Variants in COL15A1 observed in about 807,000 individuals in gnomAD.
COL15A1 encodes collagen alpha-1(XV) chain.
Under a neutral mutation model 165.9 loss-of-function variants are expected in COL15A1, and 111 were observed. The observed-to-expected ratio is 0.67, with a 90% confidence interval of 0.57 to 0.78. The LOEUF is 0.78. Ranked by LOEUF, COL15A1 falls within the 30% of genes least tolerant of loss-of-function variation. The pLI is 0.00. For missense variants in COL15A1, 1,745 were observed against 1,789.7 expected (o/e 0.98, Z 0.45); for synonymous variants, 659 against 674.8 (o/e 0.98, Z 0.36).
chr9:98,964,332 T>A (rs903522155), intron 2 of COL15A1, among the ~76,000 whole-genome samples: 1 of 152,194 alleles, frequency 6.6e-6, no homozygotes, highest in African/African-American at 2.4e-5. Context: ...TTGGAGACTG[T>A]CAAGCTGTAC....
At chr9:99,059,676 G>A (rs568146895) in intron 35 of COL15A1, among the ~76,000 whole-genome samples, 2 of 152,174 alleles carry the variant, frequency 1.3e-5, no homozygotes, top group Admixed American at 6.5e-5. Context: ...TTCATCCAGG[G>A]TAACAATCAA....
intron 35 of COL15A1, among the ~76,000 whole-genome samples, chr9:99,059,057 G>A (rs1194305912): frequency 6.6e-6 from 1 of 152,198 alleles, no homozygotes; most frequent in Non-Finnish European, 1.5e-5. Flanking sequence ...TTTGCCTAAA[G>A]TAAGGGCTTT....
chr9:99,047,243 G>T (rs1201649370), intron 26 of COL15A1, among the ~76,000 whole-genome samples: 1 of 152,224 alleles, frequency 6.6e-6, no homozygotes, highest in Non-Finnish European at 1.5e-5. Flanking sequence ...TAGGGTCCAT[G>T]GTCTGGAACT....
Position 98,946,055 on chromosome 9 carries a change from T to C in COL15A1, c.100+1805T>C, listed in dbSNP as rs1222111192. Among the ~76,000 whole-genome samples the C allele has an allele frequency of 2.0e-5, 3 of 152,248 alleles. No homozygotes were observed. The East Asian group carries it at 5.8e-4, about 29-fold the overall frequency. On this transcript the variant is annotated intron_variant, in intron 2 of 41. Coordinates refer to ENST00000375001, the MANE Select transcript of COL15A1 (RefSeq NM_001855.5). ...TGGGTTTTCAGTGCCCCTTTGGGGA[T>C]GTGAAACGATTCCTAAAAATGTAAA...
rs1489699969 is a variant in COL15A1 at position 99,048,003 on chromosome 9, G to A, written c.2793+3G>A. ...GAGATCCAGGGGTCATTATGCAGGT[G>A]AGTCACCCTGGGGATGGAGCCGGAG... On this transcript the variant is annotated splice_donor_region_variant and intron_variant, in intron 28 of 41. Coordinates refer to ENST00000375001, the MANE Select transcript of COL15A1 (RefSeq NM_001855.5). The A allele has an allele frequency of 1.3e-6, 2 of 1,531,172 alleles. No individual in the cohort carries two copies. The highest frequency in any genetic ancestry group is 1.4e-5 in the African/African-American group (1 of 73,006). 94.8% of individuals were successfully genotyped at this position (1,531,172 alleles called of 1,614,324 possible).
intron 11 of COL15A1, among the ~76,000 whole-genome samples, chr9:99,017,005 C>T (rs1838946797): frequency 6.6e-6 from 1 of 152,230 alleles, no homozygotes; most frequent in Non-Finnish European, 1.5e-5. Context: ...CACGCTGCTT[C>T]CTGTCTCTTT....
chr9:98,964,764 A>G (rs1221457111), intron 2 of COL15A1, among the ~76,000 whole-genome samples: 3 of 152,094 alleles, frequency 2.0e-5, no homozygotes, highest in Non-Finnish European at 2.9e-5. Flanking sequence ...AAGCTGCTCG[A>G]GCTGGTCACA....
chr9:99,062,412 C>T (rs967486488), intron 38 of COL15A1, 108 bp downstream of exon 38: 5 of 845,498 alleles, frequency 5.9e-6, no homozygotes, highest in Admixed American at 1.8e-5. Context: ...GTCAGCTGTG[C>T]ACGGTTTAGT....
intron 9 of COL15A1, among the ~76,000 whole-genome samples, chr9:99,014,512 G>T (rs1163887969): frequency 1.3e-5 from 2 of 152,180 alleles, no homozygotes; most frequent in African/African-American, 4.8e-5. Flanking sequence ...TTGTCCTATT[G>T]GTTTGAACCA....
intron 24 of COL15A1, among the ~76,000 whole-genome samples, chr9:99,043,008 G>A (rs1038629489): frequency 6.6e-6 from 1 of 152,200 alleles, no homozygotes; most frequent in Non-Finnish European, 1.5e-5. Flanking sequence ...GATATGCAAA[G>A]AGCTAACAGA....
rs576240626 is a variant in COL15A1, at chr9:99,023,694, C to G, written c.1854+245C>G. Among the ~76,000 whole-genome samples, 3 of 152,314 alleles carry G rather than the reference C, an allele frequency of 2.0e-5. No homozygotes were observed. In the East Asian group the frequency reaches 5.8e-4, roughly 29 times the overall value. On this transcript the variant is annotated intron_variant, in intron 14 of 41. Coordinates refer to ENST00000375001, the MANE Select transcript of COL15A1 (RefSeq NM_001855.5). ...ATTTATCTTCAGGACCTCCTCACCCCACCTTCTTCCTTTCCCTGGTGGGCT... is the reference window on the plus strand; with the variant it reads ...ATTTATCTTCAGGACCTCCTCACCCGACCTTCTTCCTTTCCCTGGTGGGCT...
At chr9:99,017,237 A>G (rs1838952335) in intron 11 of COL15A1, among the ~76,000 whole-genome samples, 1 of 152,220 alleles carries the variant, frequency 6.6e-6, no homozygotes, top group African/African-American at 2.4e-5. Flanking sequence ...CCTCTTCAGT[A>G]TAAGGTGAAT....
intron 16 of COL15A1, among the ~76,000 whole-genome samples, chr9:99,029,941 A>G (rs964992675): frequency 6.6e-6 from 1 of 150,524 alleles, no homozygotes; most frequent in African/African-American, 2.5e-5. Context: ...AAAAAAAAAA[A>G]TCATATAGAC....
chr9:99,065,628 G>A (rs567681396), intron 39 of COL15A1, among the ~76,000 whole-genome samples: 1 of 149,526 alleles, frequency 6.7e-6, no homozygotes, highest in Non-Finnish European at 1.5e-5. Flanking sequence ...GGGCAGGAAG[G>A]AGATGGGGAT....
Position 98,986,211 on chromosome 9 carries a change from T to C in COL15A1, c.648+99T>C, listed in dbSNP as rs1296799469. The C allele has an allele frequency of 4.1e-6, 4 of 980,818 alleles. No homozygotes were observed. In the African/African-American group the frequency reaches 6.6e-5, roughly 16 times the overall value. 60.8% of individuals were successfully genotyped at this position (980,818 alleles called of 1,614,324 possible). A position where few individuals can be genotyped will look rare whatever the true frequency, so the allele number is the denominator to read the frequency against. ...TATTATTGTTATTATTTTATTCTTA[T>C]GTCCTCAAAGAAGCATGCGTGTTAT... On this transcript the variant is annotated intron_variant, in intron 3 of 41. Coordinates refer to ENST00000375001, the MANE Select transcript of COL15A1 (RefSeq NM_001855.5).
intron 9 of COL15A1, among the ~76,000 whole-genome samples, chr9:99,007,976 A>G (rs1016234737): frequency 2.6e-5 from 4 of 152,360 alleles, no homozygotes; most frequent in African/African-American, 9.6e-5. Flanking sequence ...ATTTTAAAAC[A>G]TAAGTTTTCT....
At position 98,985,599 on chromosome 9, in the gene COL15A1, G is replaced by A. The variant is rs1160960854; in HGVS notation, c.135G>A (p.Gln45=). Residue 45 remains glutamine (Q), a synonymous_variant, in exon 3 of 42, where the codon CAG becomes CAA. Transcript: ENST00000375001. Reference sequence around the variant, plus strand: ...CCCAGGGTCACCTGGACCTCACGCAGCTCATCGGTGTCCCGCTGCCCTCGT... The same window carrying A: ...CCCAGGGTCACCTGGACCTCACGCAACTCATCGGTGTCCCGCTGCCCTCGT... The part of the protein sequence containing the change: ...TASQGHLDLT[Q]LIGVPLPSSV... 9 of 1,614,004 alleles carry A rather than the reference G, an allele frequency of 5.6e-6. No homozygotes were observed. The African/African-American group carries it at 1.1e-4, about 19-fold the overall frequency.
chr9:99,040,689 T>C, intron 23 of COL15A1, 133 bp downstream of exon 23: 1 of 1,502,054 alleles, frequency 6.7e-7, no homozygotes, highest in Admixed American at 1.8e-5. Flanking sequence ...AACTTTTTCT[T>C]GATATTTTTG....
intron 16 of COL15A1, among the ~76,000 whole-genome samples, chr9:99,031,565 A>G (rs1839213814): frequency 6.6e-6 from 1 of 152,172 alleles, no homozygotes; most frequent in African/African-American, 2.4e-5. Flanking sequence ...CGGACACGTC[A>G]TGGCCTCATC....
Sources: gnomAD v4.1 joint callset for allele counts (sites outside exome capture counted in the v4.1 genomes callset) on GRCh38, gnomAD v4.1.1 for gene constraint, MANE v1.5 for transcripts, NCBI Gene and HGNC (gene_info 2026-07-23, HGNC 2026-07-21) for gene names.